Variants in CACNA1H observed in about 807,000 individuals in gnomAD.
CACNA1H encodes calcium voltage-gated channel subunit alpha1 H.
In CACNA1H, 149 loss-of-function variants were observed where a neutral mutation model predicts 192.5. The observed-to-expected ratio is 0.77, with a 90% CI of 0.68 to 0.89. CACNA1H has a LOEUF of 0.89. Ranked by LOEUF, CACNA1H falls within the 40% of genes least tolerant of loss-of-function variation. The pLI, the probability that CACNA1H is intolerant of heterozygous loss-of-function variation, is 0.00. For missense variants in CACNA1H, 4,257 were observed against 3,423.5 expected (o/e 1.24, Z -6.08); for synonymous variants, 2,202 against 1,475.2 (o/e 1.49, Z -11.29).
At chr16:1,192,670 T>C (rs1459467449) in intron 2 of CACNA1H, among the ~76,000 whole-genome samples, 1 of 152,120 alleles carries the variant, frequency 6.6e-6, no homozygotes, top group African/African-American at 2.4e-5. Context: ...AGGCCTTGTG[T>C]CCAGGTAGCC....
chr16:1,205,842 G>A (rs1477058011), intron 11 of CACNA1H, among the ~76,000 whole-genome samples: 1 of 152,218 alleles, frequency 6.6e-6, no homozygotes, highest in Non-Finnish European at 1.5e-5. Flanking sequence ...CGGCGAAGGA[G>A]CTTCCCTGCC....
intron 29 of CACNA1H, 36 bp from the exon 30 acceptor site, chr16:1,215,487 C>T (rs369252149): frequency 1.0e-4 from 162 of 1,603,096 alleles, no homozygotes; most frequent in South Asian, 1.7e-4. Flanking sequence ...AGGGAGGGTC[C>T]GCCCAGCCCT....
chr16:1,203,900 T>C, intron 9 of CACNA1H, 110 bp from the exon 10 acceptor site: 1 of 760,612 alleles, frequency 1.3e-6, no homozygotes, highest in Non-Finnish European at 2.1e-6. Flanking sequence ...TCTGGATGGA[T>C]CTTTCTGGGG....
At chr16:1,214,506 C>T (rs1461703354) in intron 27 of CACNA1H, among the ~76,000 whole-genome samples, 4 of 152,174 alleles carry the variant, frequency 2.6e-5, no homozygotes, top group Non-Finnish European at 5.9e-5. Flanking sequence ...GAGGGGCTCC[C>T]AGGTCCATCT....
At chr16:1,159,359 G>C (rs1014698280) in intron 2 of CACNA1H, among the ~76,000 whole-genome samples, 1 of 152,104 alleles carries the variant, frequency 6.6e-6, no homozygotes, top group African/African-American at 2.4e-5. Flanking sequence ...GGGGTGTGCC[G>C]AGGGAAGAAC....
rs553888514 is a variant in CACNA1H at position 1,219,743 on chromosome 16, G to A, written c.6049-238G>A. 3.9e-5 allele frequency among the ~76,000 whole-genome samples: 6 copies of A among 152,134 alleles called. No homozygotes were observed. In the South Asian group the frequency reaches 6.2e-4, roughly 16 times the overall value. On this transcript the variant is annotated intron_variant, in intron 34 of 34. Transcript: ENST00000348261. ...CAGCTCTGTGCCCCTGGGGGCCATG[G>A]CATCTCTGCCCACAGAGCAGCGGGT...
At position 1,194,842 on chromosome 16, in the gene CACNA1H, C is replaced by A. The variant is rs575576998; in HGVS notation, c.300-130C>A. On this transcript the variant is annotated intron_variant, in intron 2 of 34. Transcript: ENST00000348261. ...GGGCGGCCGTCGGTCCCGAGTCCCC[C>A]ACCCCATCCTGGACACCCCCACGCG... 31 of 690,074 alleles carry A rather than the reference C, an allele frequency of 4.5e-5. No homozygotes were observed. The African/African-American group carries it at 4.7e-4, about 11-fold the overall frequency. The allele number at this position is 690,074 out of a possible 1,614,324, so 42.7% of individuals were successfully genotyped here.
At chr16:1,198,592 A>C (rs1967285368) in intron 5 of CACNA1H, 23 bp from the exon 6 acceptor site, 1 of 1,610,988 alleles carries the variant, frequency 6.2e-7, no homozygotes, top group African/African-American at 1.3e-5. Context: ...TAGCAGTGCC[A>C]ATCCTGGCCC....
rs1970258800 is a variant in CACNA1H, at chr16:1,218,961, C to T, written c.5888-9C>T. ...CAGAGCTGCCAGCTTAGATTCTTCC[C>T]TGCCCCAGGCTCCGTTGCCTCTGTG... On this transcript the variant is annotated splice_polypyrimidine_tract_variant and intron_variant, in intron 33 of 34. Coordinates refer to ENST00000348261, the MANE Select transcript of CACNA1H (RefSeq NM_021098.3). 1.9e-6 allele frequency: 3 copies of T among 1,549,662 alleles called. No individual in the cohort carries two copies. Among genetic ancestry groups the T allele is most frequent in the Middle Eastern group, 1.8e-4 (1 of 5,710 alleles).
At position 1,187,446 on chromosome 16, in the gene CACNA1H, C is replaced by T. The variant is rs185309359; in HGVS notation, c.300-7526C>T. ...CCCACCTTGCTCTGGGCTTCTCCTTCCTGCTGTGGGTGCCTTTCCCGCCCA... is the reference window on the plus strand; with the variant it reads ...CCCACCTTGCTCTGGGCTTCTCCTTTCTGCTGTGGGTGCCTTTCCCGCCCA... On this transcript the variant is annotated intron_variant, in intron 2 of 34. Coordinates refer to ENST00000348261, the MANE Select transcript of CACNA1H (RefSeq NM_021098.3). 1.0e-3 allele frequency among the ~76,000 whole-genome samples: 158 copies of T among 152,376 alleles called. 3 individuals are homozygous for T. Among genetic ancestry groups the T allele is most frequent in the Admixed American group, 0.01 (154 of 15,314 alleles).
At chr16:1,205,677 T>C (rs1968610454) in intron 11 of CACNA1H, among the ~76,000 whole-genome samples, 1 of 151,998 alleles carries the variant, frequency 6.6e-6, no homozygotes, top group Non-Finnish European at 1.5e-5. Flanking sequence ...ATTGGGAAAA[T>C]TTGAGGGGAA....
intron 12 of CACNA1H, 92 bp from the exon 13 acceptor site, chr16:1,206,909 T>TCCCCCCCC: frequency 8.6e-6 from 1 of 116,612 alleles, no homozygotes; most frequent in Non-Finnish European, 1.6e-5. Context: ...GTCCTGCCCC[T>TCCCCCCCC]CCCTCCTCCC....
At chr16:1,194,076 G>C (rs1181665526) in intron 2 of CACNA1H, among the ~76,000 whole-genome samples, 1 of 152,134 alleles carries the variant, frequency 6.6e-6, no homozygotes, top group Non-Finnish European at 1.5e-5. Context: ...GGGGAGCCGT[G>C]GGCGCTGAGG....
At chr16:1,205,415 C>G (rs1353282759) in intron 11 of CACNA1H, 150 bp downstream of exon 11, 1 of 868,682 alleles carries the variant, frequency 1.2e-6, no homozygotes, top group Non-Finnish European at 1.7e-6. Flanking sequence ...CTTGGTGACC[C>G]CAGTGGCCCA....
chr16:1,189,272 G>T (rs1966367811), intron 2 of CACNA1H, among the ~76,000 whole-genome samples: 1 of 152,068 alleles, frequency 6.6e-6, no homozygotes. Context: ...GCCCCTGGCA[G>T]GGCTTCAGGA....
chr16:1,190,160 G>C (rs1299838346), intron 2 of CACNA1H, among the ~76,000 whole-genome samples: 1 of 152,236 alleles, frequency 6.6e-6, no homozygotes, highest in Admixed American at 6.5e-5. Flanking sequence ...TCCCTGGCTG[G>C]GTTCCCTGAC....
chr16:1,201,393 CAGGTAAA>C (rs1343744833), intron 8 of CACNA1H, among the ~76,000 whole-genome samples: 1 of 152,122 alleles, frequency 6.6e-6, no homozygotes, highest in African/African-American at 2.4e-5. Context: ...GCCAGATCTG[CAGGTAAA>C]GGAGGGGCCG....
At position 1,200,703 on chromosome 16, in the gene CACNA1H, A is replaced by G; in HGVS notation, c.1120-13A>G. The G allele has an allele frequency of 6.4e-7, 1 of 1,565,980 alleles. No individual in the cohort carries two copies. The highest frequency in any genetic ancestry group is 8.7e-7 in the Non-Finnish European group (1 of 1,155,404). ...GGGTCGTGCGGGCCCAAGTCAAGCC[A>G]CTGCCCCCCCAGGTGATCACGCTGG... On this transcript the variant is annotated splice_polypyrimidine_tract_variant and intron_variant, in intron 7 of 34. Coordinates refer to ENST00000348261, the MANE Select transcript of CACNA1H (RefSeq NM_021098.3).
At chr16:1,186,602 T>G (rs1966087635) in intron 2 of CACNA1H, among the ~76,000 whole-genome samples, 1 of 152,088 alleles carries the variant, frequency 6.6e-6, no homozygotes, top group Non-Finnish European at 1.5e-5. Context: ...CGAGATGGCC[T>G]GCACTGTGGC....
Sources: allele counts gnomAD v4.1 joint callset (sites outside exome capture counted in the v4.1 genomes callset), GRCh38; gene constraint gnomAD v4.1.1; transcripts MANE v1.5; gene names NCBI Gene and HGNC (gene_info 2026-07-23, HGNC 2026-07-21).